Variants in CNTNAP5 observed in about 807,000 individuals in gnomAD.
The protein encoded by CNTNAP5 is contactin associated protein family member 5.
Under a neutral mutation model 150.2 loss-of-function variants are expected in CNTNAP5, and 72 were observed. The observed-to-expected ratio is 0.48, with a 90% CI of 0.40 to 0.58. The LOEUF is 0.58. Among genes scored for constraint, CNTNAP5 ranks in the 20% least tolerant of loss-of-function variants. The pLI, the probability that CNTNAP5 is intolerant of heterozygous loss-of-function variation, is 0.00. For missense variants in CNTNAP5, 1,636 were observed against 1,626.2 expected, an observed-to-expected ratio of 1.01 and a Z score of -0.10; for synonymous variants, 672 against 619.8, an observed-to-expected ratio of 1.08 and a Z score of -1.25.
intron 10 of CNTNAP5, among the ~76,000 whole-genome samples, chr2:124,555,674 A>G (rs1461348824): frequency 6.6e-6 from 1 of 152,228 alleles, no homozygotes; most frequent in African/African-American, 2.4e-5. Context: ...TGACATTAGT[A>G]GTAAGAAAGA....
chr2:124,637,529 G>T (rs141061858), intron 12 of CNTNAP5, among the ~76,000 whole-genome samples: 63 of 152,262 alleles, frequency 4.1e-4, no homozygotes, highest in African/African-American at 1.5e-3. Context: ...CTGCCAGATC[G>T]TTGCATTGTG....
chr2:124,195,311 A>G (rs946550770), intron 1 of CNTNAP5, among the ~76,000 whole-genome samples: 19 of 152,202 alleles, frequency 1.2e-4, no homozygotes, highest in African/African-American at 4.3e-4. Flanking sequence ...CTAGAGGAAC[A>G]CTACTGAGAA....
chr2:124,633,892 C>T (rs192763482), intron 12 of CNTNAP5, among the ~76,000 whole-genome samples: 12 of 152,284 alleles, frequency 7.9e-5, no homozygotes, highest in Admixed American at 6.5e-4. Flanking sequence ...CAAGCTATAT[C>T]TGGGTCCCTT....
chr2:124,354,047 G>A (rs1314808878), intron 3 of CNTNAP5, among the ~76,000 whole-genome samples: 2 of 152,090 alleles, frequency 1.3e-5, no homozygotes, highest in Non-Finnish European at 2.9e-5. Flanking sequence ...CAGAAGACTT[G>A]ACTATGATGA....
At chr2:124,269,693 C>T (rs1317448282) in intron 3 of CNTNAP5, among the ~76,000 whole-genome samples, 1 of 152,156 alleles carries the variant, frequency 6.6e-6, no homozygotes, top group Non-Finnish European at 1.5e-5. Context: ...GATAAGGCAG[C>T]TGCACAATTG....
At chr2:124,847,653 G>A (rs568959236) in intron 19 of CNTNAP5, among the ~76,000 whole-genome samples, 9 of 152,206 alleles carry the variant, frequency 5.9e-5, no homozygotes, top group Non-Finnish European at 1.0e-4. Context: ...TTCCTGGTAC[G>A]TTCCTGTGGT....
intron 3 of CNTNAP5, among the ~76,000 whole-genome samples, chr2:124,390,978 G>T (rs980468181): frequency 6.6e-6 from 1 of 152,196 alleles, no homozygotes; most frequent in South Asian, 2.1e-4. Context: ...GAGAACTGCT[G>T]GTTCCAGTAT....
intron 3 of CNTNAP5, among the ~76,000 whole-genome samples, chr2:124,314,902 A>G (rs1291226482): frequency 1.3e-5 from 2 of 152,038 alleles, no homozygotes; most frequent in African/African-American, 4.8e-5. Flanking sequence ...TTGTTTCAAA[A>G]TTTCTTTTAA....
chr2:124,837,454 C>T (rs367979323), intron 19 of CNTNAP5, among the ~76,000 whole-genome samples: 11 of 152,012 alleles, frequency 7.2e-5, no homozygotes, highest in Non-Finnish European at 1.2e-4. Flanking sequence ...CCAACATTGG[C>T]GAAAATAATT....
intron 13 of CNTNAP5, among the ~76,000 whole-genome samples, chr2:124,733,097 A>C (rs978112110): frequency 1.3e-5 from 2 of 152,118 alleles, no homozygotes; most frequent in African/African-American, 4.8e-5. Flanking sequence ...ATTTAAGAAA[A>C]GATTAGGAGC....
chr2:124,782,894 A>G (rs549976998), intron 17 of CNTNAP5, among the ~76,000 whole-genome samples: 1 of 152,304 alleles, frequency 6.6e-6, no homozygotes, highest in Non-Finnish European at 1.5e-5. Flanking sequence ...GCCAAAACCT[A>G]TACTATGCCC....
intron 1 of CNTNAP5, among the ~76,000 whole-genome samples, chr2:124,115,553 T>C (rs1485640560): frequency 1.3e-5 from 2 of 152,086 alleles, no homozygotes; most frequent in South Asian, 2.1e-4. Flanking sequence ...TCAAGGATTC[T>C]GAAGTCAGAT....
At chr2:124,517,344 G>C (rs1290325008) in intron 8 of CNTNAP5, among the ~76,000 whole-genome samples, 16 of 150,946 alleles carry the variant, frequency 1.1e-4, no homozygotes, top group African/African-American at 3.9e-4. Context: ...TGATGATGGA[G>C]GGTTATAGTG....
At chr2:124,522,248 G>T (rs1275442564) in intron 8 of CNTNAP5, among the ~76,000 whole-genome samples, 1 of 152,184 alleles carries the variant, frequency 6.6e-6, no homozygotes. Flanking sequence ...TTCCCAGCTG[G>T]CTGCTTTGGG....
At chr2:124,528,838 C>T (rs969359522) in intron 10 of CNTNAP5, among the ~76,000 whole-genome samples, 4 of 152,002 alleles carry the variant, frequency 2.6e-5, no homozygotes, top group African/African-American at 9.7e-5. Context: ...GAGAGCTGGC[C>T]CACAACTAGG....
At chr2:124,353,286 C>CAAAAAAAAAAAAAAAA (rs565907115) in intron 3 of CNTNAP5, among the ~76,000 whole-genome samples, 1 of 88,262 alleles carries the variant, frequency 1.1e-5, no homozygotes, top group African/African-American at 4.3e-5. Context: ...AAAAACAGAC[C>CAAAAAAAAAAAAAAAA]AAAAAAAAAA....
chr2:124,856,891 C>A (rs1453698631), intron 19 of CNTNAP5, among the ~76,000 whole-genome samples: 3 of 152,176 alleles, frequency 2.0e-5, no homozygotes, highest in Non-Finnish European at 4.4e-5. Flanking sequence ...CCATGGCAAG[C>A]TTGTCAGATC....
In CNTNAP5 at chr2:124,259,078, A is replaced by T. The variant is rs573721421; in HGVS notation, c.381+16685A>T. Reference sequence around the variant, plus strand: ...TGTGTCCAAGTGTTCTCATTGTTGAATTCCCACCTATGAGTGAGAACATGT... The same window carrying T: ...TGTGTCCAAGTGTTCTCATTGTTGATTTCCCACCTATGAGTGAGAACATGT... On this transcript the variant is annotated intron_variant, in intron 3 of 23. Transcript: ENST00000682447. Among the ~76,000 whole-genome samples the T allele has an allele frequency of 1.7e-4, 25 of 142,928 alleles. No homozygotes were observed. The South Asian group carries it at 2.0e-3, about 11-fold the overall frequency. The allele number at this position is 142,928 out of a possible 152,430, so 93.8% of individuals were successfully genotyped here. A position where few individuals can be genotyped will look rare whatever the true frequency, so the allele number is the denominator to read the frequency against.
At chr2:124,422,810 T>G (rs1179512292) in intron 4 of CNTNAP5, among the ~76,000 whole-genome samples, 2 of 152,164 alleles carry the variant, frequency 1.3e-5, no homozygotes, top group African/African-American at 2.4e-5. Flanking sequence ...AGAATCACCT[T>G]GGGACATATA....
Sources: gnomAD v4.1 joint callset for allele counts (sites outside exome capture counted in the v4.1 genomes callset) on GRCh38, gnomAD v4.1.1 for gene constraint, MANE v1.5 for transcripts, NCBI Gene and HGNC (gene_info 2026-07-23, HGNC 2026-07-21) for gene names.